Variants in ADAMTS6 observed in about 807,000 individuals in gnomAD.
ADAMTS6 encodes ADAM metallopeptidase with thrombospondin type 1 motif 6.
A neutral mutation model predicts 144.3 loss-of-function variants in ADAMTS6; 23 were observed. The observed-to-expected ratio is 0.16, with a 90% CI of 0.11 to 0.23. The LOEUF (loss-of-function observed/expected upper bound fraction) is 0.23. Among genes scored for constraint, ADAMTS6 ranks in the 10% least tolerant of loss-of-function variants. ADAMTS6 has a pLI of 1.00. For missense variants in ADAMTS6, 999 were observed against 1,379.6 expected (o/e 0.72, Z 4.37); for synonymous variants, 444 against 457.5 (o/e 0.97, Z 0.38).
intron 7 of ADAMTS6, among the ~76,000 whole-genome samples, chr5:65,402,188 C>T (rs1352257612): frequency 2.0e-5 from 3 of 152,204 alleles, no homozygotes; most frequent in Non-Finnish European, 4.4e-5. Context: ...ACCTGGCTTA[C>T]ACTCCATGGT....
intron 7 of ADAMTS6, among the ~76,000 whole-genome samples, chr5:65,432,595 T>G (rs1034517539): frequency 6.6e-6 from 1 of 152,080 alleles, no homozygotes; most frequent in East Asian, 1.9e-4. Context: ...CATGTCACTT[T>G]TCTGTTTAAA....
At chr5:65,452,499 T>G (rs1286601048) in intron 5 of ADAMTS6, among the ~76,000 whole-genome samples, 1 of 149,700 alleles carries the variant, frequency 6.7e-6, no homozygotes, top group Non-Finnish European at 1.5e-5. Flanking sequence ...GATTTAACAA[T>G]CCACTAAAAC....
chr5:65,434,956 A>C (rs1008308055), intron 7 of ADAMTS6, among the ~76,000 whole-genome samples: 2 of 152,224 alleles, frequency 1.3e-5, no homozygotes, highest in Non-Finnish European at 2.9e-5. Flanking sequence ...AAAATTGTTT[A>C]TAATAATGGA....
intron 7 of ADAMTS6, among the ~76,000 whole-genome samples, chr5:65,385,246 G>T (rs893825323): frequency 2.6e-5 from 4 of 152,136 alleles, no homozygotes; most frequent in African/African-American, 9.7e-5. Flanking sequence ...CTTGTTTATT[G>T]CCTATCTTTC....
chr5:65,208,788 A>G (rs978825022), intron 20 of ADAMTS6, among the ~76,000 whole-genome samples: 2 of 152,226 alleles, frequency 1.3e-5, no homozygotes, highest in Admixed American at 1.3e-4. Context: ...TACTATGGTT[A>G]CAACTATAAT....
chr5:65,407,459 G>A (rs188165335), intron 7 of ADAMTS6, among the ~76,000 whole-genome samples: 7,865 of 150,554 alleles, frequency 0.052, 264 homozygotes, highest in East Asian at 0.09. Flanking sequence ...TTTAGCATTA[G>A]GTATATCTCC....
rs183096519 is a variant in ADAMTS6, at chr5:65,303,946, A to G, written c.1224-3815T>C. Among the ~76,000 whole-genome samples the G allele has an allele frequency of 3.4e-3, 511 of 152,306 alleles. 3 individuals are homozygous for G. Among genetic ancestry groups the G allele is most frequent in the African/African-American group, 0.012 (499 of 41,582 alleles). On this transcript the variant is annotated intron_variant, in intron 9 of 24. Transcript: ENST00000381055. ...AGTCATAAAAAGAAAAATTTTGGACATCAACTGAAAAATACACAATAAGGT... is the reference window on the plus strand; with the variant it reads ...AGTCATAAAAAGAAAAATTTTGGACGTCAACTGAAAAATACACAATAAGGT...
chr5:65,262,431 T>C (rs1444367227), intron 13 of ADAMTS6, among the ~76,000 whole-genome samples: 2 of 152,180 alleles, frequency 1.3e-5, no homozygotes, highest in Non-Finnish European at 2.9e-5. Context: ...GTAGCAGTAA[T>C]AATTTTATGT....
At position 65,190,442 on chromosome 5, in the gene ADAMTS6, T is replaced by A. The variant is rs1580002065; in HGVS notation, c.2706-2222A>T. Among the ~76,000 whole-genome samples the A allele has an allele frequency of 2.0e-5, 3 of 152,164 alleles. 1 individual carries two copies. Among genetic ancestry groups the A allele is most frequent in the Admixed American group, 2.0e-4 (3 of 15,266 alleles). The stretch of plus-strand genomic sequence containing the variant: ...GCCATAGTGAAACTCTGATTCAACT[T>A]TGCAACAGTGATTTCATCACCAAGA... On this transcript the variant is annotated intron_variant, in intron 21 of 24. Transcript: ENST00000381055.
chr5:65,309,076 T>C (rs536165023), intron 9 of ADAMTS6, among the ~76,000 whole-genome samples: 3 of 152,156 alleles, frequency 2.0e-5, no homozygotes, highest in South Asian at 4.2e-4. Flanking sequence ...CAGGGACCAG[T>C]TTCATGGGAA....
chr5:65,202,934 C>T (rs1021887870), intron 20 of ADAMTS6, among the ~76,000 whole-genome samples: 12 of 152,148 alleles, frequency 7.9e-5, no homozygotes, highest in Admixed American at 2.6e-4. Flanking sequence ...TCTTCCAGAT[C>T]CAAACTTCTA....
rs1207191631 is a variant in ADAMTS6, at chr5:65,149,784, C to G, written c.*2052G>C. On this transcript the variant is annotated 3_prime_UTR_variant, in exon 25 of 25. Coordinates refer to ENST00000381055, the MANE Select transcript of ADAMTS6 (RefSeq NM_197941.4). Reference sequence around the variant, plus strand: ...AAGTTAACTGTTCTTTGAAAAGGCGCAAGGGAATTCAGTGCTCGGGCCATA... The same window carrying G: ...AAGTTAACTGTTCTTTGAAAAGGCGGAAGGGAATTCAGTGCTCGGGCCATA... 6.5e-6 allele frequency: 1 copy of G among 152,680 alleles called. No individual in the cohort carries two copies. Among genetic ancestry groups the G allele is most frequent in the East Asian group, 1.9e-4 (1 of 5,180 alleles). 9.5% of individuals were successfully genotyped at this position (152,680 alleles called of 1,614,324 possible).
chr5:65,476,648 G>A (rs547522441), intron 1 of ADAMTS6, among the ~76,000 whole-genome samples: 9 of 151,438 alleles, frequency 5.9e-5, no homozygotes, highest in South Asian at 4.2e-4. Context: ...TGCTCTTGTC[G>A]CCCATGCTGG....
chr5:65,199,925 A>C (rs1039980492), intron 20 of ADAMTS6, among the ~76,000 whole-genome samples: 1 of 152,174 alleles, frequency 6.6e-6, no homozygotes, highest in Non-Finnish European at 1.5e-5. Context: ...TTTTAGCTTC[A>C]TGATTTCAGA....
chr5:65,464,038 C>T (rs937759693), intron 3 of ADAMTS6, among the ~76,000 whole-genome samples: 3 of 152,182 alleles, frequency 2.0e-5, no homozygotes, highest in Admixed American at 1.3e-4. Context: ...ATCTATTGAT[C>T]CCAAGTCAGT....
intron 12 of ADAMTS6, among the ~76,000 whole-genome samples, chr5:65,267,988 T>C (rs1039748669): frequency 6.6e-6 from 1 of 152,212 alleles, no homozygotes; most frequent in Non-Finnish European, 1.5e-5. Context: ...ACTATTTAGA[T>C]TTCTACAGCA....
chr5:65,373,516 G>T lies in ADAMTS6; in HGVS notation c.1074-39431C>A, dbSNP rs1751190804. The stretch of plus-strand genomic sequence containing the variant: ...TAAACTAGAAAATCTAGAAGAAATG[G>T]ATAAATTCCTCGACACATACACTCT... On this transcript the variant is annotated intron_variant, in intron 7 of 24. Coordinates refer to ENST00000381055, the MANE Select transcript of ADAMTS6 (RefSeq NM_197941.4). 6.6e-5 allele frequency among the ~76,000 whole-genome samples: 10 copies of T among 151,164 alleles called. 1 individual carries two copies. The South Asian group carries it at 2.1e-3, about 32-fold the overall frequency.
intron 21 of ADAMTS6, among the ~76,000 whole-genome samples, chr5:65,191,044 G>A (rs1754988677): frequency 6.6e-6 from 1 of 151,942 alleles, no homozygotes; most frequent in Non-Finnish European, 1.5e-5. Flanking sequence ...AGACTTGGTG[G>A]CAAAAACATG....
chr5:65,178,833 C>T (rs569086259), intron 22 of ADAMTS6, among the ~76,000 whole-genome samples: 32 of 152,306 alleles, frequency 2.1e-4, no homozygotes, highest in African/African-American at 7.0e-4. Context: ...TGAAAATCCC[C>T]GCATAACCAC....
Sources: allele counts gnomAD v4.1 joint callset (sites outside exome capture counted in the v4.1 genomes callset), GRCh38; gene constraint gnomAD v4.1.1; transcripts MANE v1.5; gene names NCBI Gene and HGNC (gene_info 2026-07-23, HGNC 2026-07-21).